Variants in ULK4 observed in about 807,000 individuals in gnomAD.
The protein encoded by ULK4 is inactive serine/threonine-protein kinase ULK4.
In ULK4, 133 loss-of-function variants were observed where a neutral mutation model predicts 160.6. That is an observed-to-expected ratio of 0.83 (90% CI 0.72 to 0.96). The LOEUF is 0.96. Among genes scored for constraint, ULK4 ranks in the 40% least tolerant of loss-of-function variants. The pLI, the probability that ULK4 is intolerant of heterozygous loss-of-function variation, is 0.00. For missense variants in ULK4, 1,580 were observed against 1,499.5 expected (o/e 1.05, Z -0.89); for synonymous variants, 534 against 539.8 (o/e 0.99, Z 0.15).
chr3:41,931,783 C>T, intron 5 of ULK4, 61 bp downstream of exon 5: 1 of 1,575,390 alleles, frequency 6.3e-7, no homozygotes, highest in Non-Finnish European at 8.7e-7. Context: ...GTCTCCTAAA[C>T]ACAGGACTTG....
intron 29 of ULK4, among the ~76,000 whole-genome samples, chr3:41,666,676 C>T (rs1262405586): frequency 6.6e-6 from 1 of 152,172 alleles, no homozygotes; most frequent in Non-Finnish European, 1.5e-5. Context: ...ACCCACAAGC[C>T]TATGAATTTT....
intron 34 of ULK4, among the ~76,000 whole-genome samples, chr3:41,439,848 C>T (rs190592834): frequency 9.6e-4 from 146 of 152,250 alleles, no homozygotes; most frequent in Middle Eastern, 3.4e-3. Context: ...TGAGCCTTCC[C>T]GCTCCTGAAC....
At chr3:41,933,153 G>C (rs1699651690) in intron 4 of ULK4, among the ~76,000 whole-genome samples, 1 of 152,220 alleles carries the variant, frequency 6.6e-6, no homozygotes, top group Non-Finnish European at 1.5e-5. Context: ...ACTTGTGTGA[G>C]CATCAGAATC....
intron 35 of ULK4, among the ~76,000 whole-genome samples, chr3:41,379,451 C>T: frequency 6.6e-6 from 1 of 152,200 alleles, no homozygotes; most frequent in African/African-American, 2.4e-5. Flanking sequence ...CTCAGGAACA[C>T]TTTCAAAACA....
intron 32 of ULK4, among the ~76,000 whole-genome samples, chr3:41,512,622 AGAC>A (rs2085617039): frequency 6.6e-6 from 1 of 152,248 alleles, no homozygotes; most frequent in South Asian, 2.1e-4. Flanking sequence ...AAGAAATAAT[AGAC>A]AACACAAACA....
chr3:41,864,176 T>TG (rs111749243), intron 17 of ULK4, among the ~76,000 whole-genome samples: 48,081 of 151,790 alleles, frequency 0.32, 11,265 homozygotes, highest in African/African-American at 0.67. Context: ...GCTCTCTCCA[T>TG]GGCAGGCATC....
intron 25 of ULK4, among the ~76,000 whole-genome samples, chr3:41,705,817 T>C (rs1186012469): frequency 1.3e-5 from 2 of 152,170 alleles, no homozygotes; most frequent in Non-Finnish European, 2.9e-5. Context: ...ATAAAGTCAA[T>C]GTTAACATAA....
chr3:41,718,385 T>G (rs73069367), intron 22 of ULK4, among the ~76,000 whole-genome samples: 4,522 of 152,334 alleles, frequency 0.03, 88 homozygotes, highest in Middle Eastern at 0.048. Flanking sequence ...TTATGATACC[T>G]GCCTTTTAAA....
At chr3:41,571,569 G>A (rs796728969) in intron 31 of ULK4, among the ~76,000 whole-genome samples, 121 of 152,300 alleles carry the variant, frequency 7.9e-4, no homozygotes, top group African/African-American at 2.9e-3. Flanking sequence ...GAGTAAACAT[G>A]TGGGGCTCGA....
At chr3:41,952,750 A>G (rs1576011100) in intron 2 of ULK4, among the ~76,000 whole-genome samples, 1 of 152,232 alleles carries the variant, frequency 6.6e-6, no homozygotes, top group African/African-American at 2.4e-5. Flanking sequence ...TCTCAAAGAG[A>G]TATTTGTATC....
rs760087760 is a variant in ULK4 at position 41,822,742 on chromosome 3, G to C, written c.1765-3236C>G. Among the ~76,000 whole-genome samples, 9 of 39,406 alleles carry C rather than the reference G, an allele frequency of 2.3e-4. No individual in the cohort carries two copies. The South Asian group carries it at 3.2e-3, about 14-fold the overall frequency. The allele number at this position is 39,406 out of a possible 152,430, so 25.9% of individuals were successfully genotyped here. On this transcript the variant is annotated intron_variant, in intron 18 of 36. Coordinates refer to ENST00000301831, the MANE Select transcript of ULK4 (RefSeq NM_017886.4). The stretch of plus-strand genomic sequence containing the variant: ...CTGAGATTTTTTTTTTTTTTTTTTT[G>C]AGACAGTCTCGCTCTGTCACCCAGG...
At chr3:41,274,720 T>C (rs1450645372) in intron 35 of ULK4, among the ~76,000 whole-genome samples, 1 of 152,166 alleles carries the variant, frequency 6.6e-6, no homozygotes, top group Non-Finnish European at 1.5e-5. Context: ...TTAGTTCCCT[T>C]AGATTTCTGA....
chr3:41,742,162 C>G (rs2038262708), intron 22 of ULK4, among the ~76,000 whole-genome samples: 1 of 151,878 alleles, frequency 6.6e-6, no homozygotes, highest in African/African-American at 2.4e-5. Flanking sequence ...TTAACCCACC[C>G]CCAGGGAAAC....
At chr3:41,846,752 C>A (rs2042078502) in intron 17 of ULK4, among the ~76,000 whole-genome samples, 1 of 149,216 alleles carries the variant, frequency 6.7e-6, no homozygotes, top group African/African-American at 2.5e-5. Context: ...TTGCAGCAAG[C>A]CAAGATCATG....
intron 30 of ULK4, among the ~76,000 whole-genome samples, chr3:41,624,196 T>C (rs1172376930): frequency 6.6e-6 from 1 of 152,162 alleles, no homozygotes; most frequent in Non-Finnish European, 1.5e-5. Context: ...TCCAGCACAT[T>C]CACAGTCTTC....
chr3:41,426,318 C>A (rs965080026), intron 34 of ULK4, among the ~76,000 whole-genome samples: 3 of 152,172 alleles, frequency 2.0e-5, no homozygotes, highest in East Asian at 1.9e-4. Flanking sequence ...GACTCCCACA[C>A]AATAATAGTA....
At chr3:41,320,742 C>T (rs1448844894) in intron 35 of ULK4, among the ~76,000 whole-genome samples, 1 of 139,658 alleles carries the variant, frequency 7.2e-6, no homozygotes, top group Non-Finnish European at 1.6e-5. Flanking sequence ...CACGGTGAAA[C>T]CCTGTCTCTG....
At chr3:41,953,265 C>CACATACAT (rs1700351863) in intron 2 of ULK4, among the ~76,000 whole-genome samples, 1 of 113,488 alleles carries the variant, frequency 8.8e-6, no homozygotes, top group Non-Finnish European at 1.8e-5. Flanking sequence ...CATATATATA[C>CACATACAT]ACATATATAC....
At chr3:41,631,193 T>C (rs922306730) in intron 30 of ULK4, among the ~76,000 whole-genome samples, 2 of 152,144 alleles carry the variant, frequency 1.3e-5, no homozygotes, top group African/African-American at 4.8e-5. Flanking sequence ...AGTCTTACCA[T>C]TAAGGTACAT....
Sources: gnomAD v4.1 joint callset for allele counts (sites outside exome capture counted in the v4.1 genomes callset) on GRCh38, gnomAD v4.1.1 for gene constraint, MANE v1.5 for transcripts, NCBI Gene and HGNC (gene_info 2026-07-23, HGNC 2026-07-21) for gene names.